PDE10A: variants seen among roughly 807,000 people sequenced by gnomAD.
PDE10A encodes phosphodiesterase 10A.
In PDE10A, 39 loss-of-function variants were observed where a neutral mutation model predicts 97.7. That is an observed-to-expected ratio of 0.40 (90% CI 0.31 to 0.52). The LOEUF is 0.52. Ranked by LOEUF, PDE10A falls within the 20% of genes least tolerant of loss-of-function variation. The pLI is 0.56. For synonymous variants in PDE10A, 371 were observed against 376.8 expected, an observed-to-expected ratio of 0.98 and a Z score of 0.18; for missense variants, 731 against 1,047.8, an observed-to-expected ratio of 0.70 and a Z score of 4.17.
At chr6:165,824,247 T>C (rs542412549) in intron 1 of PDE10A, among the ~76,000 whole-genome samples, 1 of 152,338 alleles carries the variant, frequency 6.6e-6, no homozygotes, top group African/African-American at 2.4e-5. Flanking sequence ...CACTAAAACT[T>C]CTTAATAGCC....
At chr6:165,887,295 G>A (rs1781655370) in intron 1 of PDE10A, among the ~76,000 whole-genome samples, 1 of 152,144 alleles carries the variant, frequency 6.6e-6, no homozygotes. Flanking sequence ...TGCCTTATCT[G>A]TGTTTATACC....
chr6:165,619,340 T>C (rs200449340), intron 1 of PDE10A, among the ~76,000 whole-genome samples: 3 of 151,496 alleles, frequency 2.0e-5, no homozygotes, highest in Admixed American at 1.3e-4. Flanking sequence ...TAGTGTAGTG[T>C]AGTCTAGTGT....
chr6:165,383,526 C>T (rs1428204421), intron 17 of PDE10A, among the ~76,000 whole-genome samples: 1 of 152,124 alleles, frequency 6.6e-6, no homozygotes, highest in African/African-American at 2.4e-5. Context: ...GACACAGCTA[C>T]TCACTTTCCT....
At chr6:165,650,228 T>C (rs1789609705) in intron 1 of PDE10A, among the ~76,000 whole-genome samples, 1 of 152,166 alleles carries the variant, frequency 6.6e-6, no homozygotes, top group South Asian at 2.1e-4. Context: ...TCAATGCCAC[T>C]TCGGTACCTT....
chr6:165,611,081 A>G (rs1787471217), intron 1 of PDE10A, among the ~76,000 whole-genome samples: 1 of 151,902 alleles, frequency 6.6e-6, no homozygotes, highest in East Asian at 1.9e-4. Flanking sequence ...CCACTGAATA[A>G]AATTCCAATA....
At chr6:165,854,915 G>C (rs1205051044) in intron 1 of PDE10A, among the ~76,000 whole-genome samples, 1 of 152,206 alleles carries the variant, frequency 6.6e-6, no homozygotes, top group African/African-American at 2.4e-5. Flanking sequence ...CAGGGGATGC[G>C]GGAAGGTTTG....
chr6:165,947,952 C>T (rs535624236), intron 1 of PDE10A, among the ~76,000 whole-genome samples: 1 of 152,082 alleles, frequency 6.6e-6, no homozygotes, highest in Admixed American at 6.5e-5. Flanking sequence ...TAAGATTCTG[C>T]TTTATTTTCA....
intron 1 of PDE10A, among the ~76,000 whole-genome samples, chr6:165,641,858 G>T (rs1789150714): frequency 6.6e-6 from 1 of 152,216 alleles, no homozygotes; most frequent in Non-Finnish European, 1.5e-5. Context: ...CCCGTCTCTG[G>T]CAAGCGGTGT....
chr6:165,509,177 TAA>T (rs1781370810), intron 2 of PDE10A, among the ~76,000 whole-genome samples: 5 of 152,018 alleles, frequency 3.3e-5, no homozygotes, highest in Non-Finnish European at 5.9e-5. Context: ...GAGGTATATA[TAA>T]GTATTTTTTA....
chr6:165,709,517 C>T (rs1791835022), intron 1 of PDE10A, among the ~76,000 whole-genome samples: 1 of 122,652 alleles, frequency 8.2e-6, no homozygotes, highest in South Asian at 3.3e-4. Flanking sequence ...AACTCTCCAC[C>T]CCCATGCTGC....
chr6:165,590,329 G>C lies in PDE10A; in HGVS notation c.866-46761C>G, dbSNP rs1016399065. On this transcript the variant is annotated intron_variant, in intron 1 of 21. Transcript: ENST00000539869. ...AACTGACGCAGAGGGAGGTTAAATA[G>C]CTGGCCACACAGCTAGTCTGTGGCA... 2.6e-4 allele frequency among the ~76,000 whole-genome samples: 39 copies of C among 152,290 alleles called. 1 individual carries two copies. The highest frequency in any genetic ancestry group is 8.7e-4 in the African/African-American group (36 of 41,568).
At chr6:165,595,339 T>A (rs1786523974) in intron 1 of PDE10A, among the ~76,000 whole-genome samples, 1 of 152,216 alleles carries the variant, frequency 6.6e-6, no homozygotes, top group Admixed American at 6.5e-5. Context: ...TTGGCTATAT[T>A]ATAGAGTTAA....
intron 1 of PDE10A, among the ~76,000 whole-genome samples, chr6:165,632,565 C>G (rs1788683611): frequency 6.6e-6 from 1 of 152,164 alleles, no homozygotes; most frequent in African/African-American, 2.4e-5. Flanking sequence ...TACCAGGCAA[C>G]AAGCAGCTGG....
At chr6:165,549,584 G>A (rs1393522236) in intron 1 of PDE10A, among the ~76,000 whole-genome samples, 1 of 152,174 alleles carries the variant, frequency 6.6e-6, no homozygotes, top group African/African-American at 2.4e-5. Flanking sequence ...TTGGCCTCCC[G>A]AAGTGCTGGG....
In PDE10A at chr6:165,525,212, A is replaced by G. The variant is rs557357426; in HGVS notation, c.994+18228T>C. On this transcript the variant is annotated intron_variant, in intron 2 of 21. Transcript: ENST00000539869. ...ACTGTTTGAGTTATCTAATTTATAT[A>G]AACATAAATCTGGAGAACAGGCATG... Among the ~76,000 whole-genome samples the G allele has an allele frequency of 2.6e-5, 4 of 152,272 alleles. No individual in the cohort carries two copies. The South Asian group carries it at 8.3e-4, about 32-fold the overall frequency.
At chr6:165,580,147 T>C (rs2987292) in intron 1 of PDE10A, among the ~76,000 whole-genome samples, 122,569 of 152,014 alleles carry the variant, frequency 0.81, 51,767 homozygotes, top group Non-Finnish European at 0.94. Flanking sequence ...CTTAGAACAG[T>C]GCCTGCTCAA....
chr6:165,799,750 C>T (rs1338269562), intron 1 of PDE10A, among the ~76,000 whole-genome samples: 2 of 152,166 alleles, frequency 1.3e-5, no homozygotes, highest in African/African-American at 2.4e-5. Flanking sequence ...CTCTCCTGGG[C>T]CTGATCACCT....
chr6:165,742,596 C>A (rs564645305), intron 1 of PDE10A, among the ~76,000 whole-genome samples: 1 of 152,244 alleles, frequency 6.6e-6, no homozygotes, highest in South Asian at 2.1e-4. Flanking sequence ...TTTTAAACAA[C>A]CTCATGAGAA....
intron 1 of PDE10A, among the ~76,000 whole-genome samples, chr6:165,887,709 A>G (rs1412256696): frequency 6.6e-6 from 1 of 152,248 alleles, no homozygotes; most frequent in Non-Finnish European, 1.5e-5. Flanking sequence ...AGACACATCC[A>G]GAGTCTGACA....
Sources: gnomAD v4.1 joint callset for allele counts (sites outside exome capture counted in the v4.1 genomes callset) on GRCh38, gnomAD v4.1.1 for gene constraint, MANE v1.5 for transcripts, NCBI Gene and HGNC (gene_info 2026-07-23, HGNC 2026-07-21) for gene names.